UST: variants seen among roughly 807,000 people sequenced by gnomAD.
UST encodes chondroitin sulfate 2-O-sulfotransferase.
In UST, 21 loss-of-function variants were observed where a neutral mutation model predicts 45.6. That is an observed-to-expected ratio of 0.46 (90% CI 0.33 to 0.66). The LOEUF (loss-of-function observed/expected upper bound fraction) is 0.66. Ranked by LOEUF, UST falls within the 30% of genes least tolerant of loss-of-function variation. The probability of loss-of-function intolerance (pLI) is 0.02; values close to 1 mark genes in which losing one functional copy is unlikely to be tolerated. For synonymous variants in UST, 215 were observed against 200.6 expected (o/e 1.07, Z -0.61); for missense variants, 463 against 512.4 (o/e 0.90, Z 0.93).
intron 1 of UST, among the ~76,000 whole-genome samples, chr6:148,842,531 G>A (rs1284756942): frequency 1.3e-5 from 2 of 152,310 alleles, no homozygotes; most frequent in Admixed American, 1.3e-4. Flanking sequence ...ACTTTGTTGA[G>A]GAAAATGAGG....
intron 6 of UST, among the ~76,000 whole-genome samples, 166 bp from the exon 7 acceptor site, chr6:149,021,158 G>A (rs1775972198): frequency 6.6e-6 from 1 of 152,192 alleles, no homozygotes; most frequent in South Asian, 2.1e-4. Context: ...CCAGTTGGAA[G>A]GACTGGGAAG....
chr6:148,903,936 T>C (rs1779309739), intron 2 of UST, among the ~76,000 whole-genome samples: 1 of 152,242 alleles, frequency 6.6e-6, no homozygotes, highest in Admixed American at 6.5e-5. Context: ...AGAGTTTCTA[T>C]GCAGTTTTAG....
chr6:148,916,360 C>T (rs1779590954), intron 2 of UST, among the ~76,000 whole-genome samples: 1 of 152,164 alleles, frequency 6.6e-6, no homozygotes, highest in African/African-American at 2.4e-5. Flanking sequence ...TAACACATAT[C>T]CTCCCGTGAG....
intron 2 of UST, among the ~76,000 whole-genome samples, chr6:148,933,636 C>T (rs1402280964): frequency 6.6e-6 from 1 of 152,058 alleles, no homozygotes; most frequent in African/African-American, 2.4e-5. Flanking sequence ...TATTTCCTCC[C>T]CTAGAATGGA....
chr6:149,043,037 C>CTT (rs1415004254), intron 7 of UST, among the ~76,000 whole-genome samples: 6 of 130,056 alleles, frequency 4.6e-5, no homozygotes, highest in South Asian at 2.3e-4. Flanking sequence ...TTCTTTCTTT[C>CTT]TTTCTTTCCT....
intron 2 of UST, among the ~76,000 whole-genome samples, chr6:148,910,912 T>G (rs1779461667): frequency 6.6e-6 from 1 of 152,096 alleles, no homozygotes; most frequent in Admixed American, 6.5e-5. Flanking sequence ...TTTCTTCCTT[T>G]CTCCTTCCGG....
chr6:148,789,449 T>TCACACA (rs1439525516), intron 1 of UST, among the ~76,000 whole-genome samples: 1 of 129,034 alleles, frequency 7.7e-6, no homozygotes, highest in Non-Finnish European at 1.6e-5. Flanking sequence ...TCTCTCTCTC[T>TCACACA]CTCTCACACA....
intron 1 of UST, among the ~76,000 whole-genome samples, chr6:148,877,265 G>A (rs1340014539): frequency 2.0e-5 from 1 of 49,870 alleles, no homozygotes; most frequent in Non-Finnish European, 4.0e-5. Flanking sequence ...GCGGGGGGTC[G>A]TGTTTGAGTG....
chr6:148,891,049 T>C (rs1779008782), intron 2 of UST, among the ~76,000 whole-genome samples: 1 of 152,210 alleles, frequency 6.6e-6, no homozygotes, highest in Non-Finnish European at 1.5e-5. Flanking sequence ...TTTGGGAAGC[T>C]TCTACCCAGT....
chr6:148,782,609 C>A (rs1225690561), intron 1 of UST, among the ~76,000 whole-genome samples: 1 of 152,056 alleles, frequency 6.6e-6, no homozygotes, highest in African/African-American at 2.4e-5. Context: ...TGCCACCATG[C>A]CCGGCTAATT....
At chr6:148,819,967 C>T (rs1582831669) in intron 1 of UST, among the ~76,000 whole-genome samples, 2 of 152,180 alleles carry the variant, frequency 1.3e-5, no homozygotes, top group South Asian at 4.1e-4. Flanking sequence ...CTAGAATGCT[C>T]CGAAGGCCCA....
intron 2 of UST, among the ~76,000 whole-genome samples, chr6:148,918,735 G>C (rs1441234831): frequency 6.6e-6 from 1 of 152,146 alleles, no homozygotes; most frequent in Admixed American, 6.5e-5. Context: ...GTTATGGTGT[G>C]CATTTGAACT....
intron 1 of UST, among the ~76,000 whole-genome samples, chr6:148,869,283 T>C (rs1408346944): frequency 6.6e-6 from 1 of 152,238 alleles, no homozygotes; most frequent in Non-Finnish European, 1.5e-5. Flanking sequence ...TCCAAAATTA[T>C]AGTTCTGTGA....
intron 7 of UST, among the ~76,000 whole-genome samples, chr6:149,054,338 G>A (rs1776532053): frequency 6.6e-6 from 1 of 152,196 alleles, no homozygotes; most frequent in South Asian, 2.1e-4. Flanking sequence ...TTTTTTGGTA[G>A]AAATGGTGTA....
intron 7 of UST, among the ~76,000 whole-genome samples, chr6:149,066,687 G>T (rs1031926409): frequency 6.6e-6 from 1 of 152,112 alleles, no homozygotes; most frequent in Non-Finnish European, 1.5e-5. Context: ...TATTGGAGGG[G>T]TAACAGGAAA....
chr6:149,005,211 C>A, intron 5 of UST: 1 of 836,064 alleles, frequency 1.2e-6, no homozygotes, highest in Non-Finnish European at 1.4e-6. Flanking sequence ...TCTTGGAGCC[C>A]TGCCCATCCA....
At chr6:149,058,171 A>G (rs191170422) in intron 7 of UST, among the ~76,000 whole-genome samples, 2 of 152,326 alleles carry the variant, frequency 1.3e-5, no homozygotes, top group Non-Finnish European at 2.9e-5. Flanking sequence ...CAGAGAAGAA[A>G]AAGTAATAGA....
chr6:148,923,200 G>T (rs111369491), intron 2 of UST, among the ~76,000 whole-genome samples: 2 of 152,180 alleles, frequency 1.3e-5, no homozygotes, highest in African/African-American at 4.8e-5. Context: ...CATTTCATGG[G>T]CATTTCAGTC....
At chr6:148,986,548 A>G (rs7741054) in intron 5 of UST, among the ~76,000 whole-genome samples, 44,234 of 152,198 alleles carry the variant, frequency 0.29, 7,223 homozygotes, top group African/African-American at 0.46. Context: ...AAATCTGCAT[A>G]TGCTACACAT....
Sources: gnomAD v4.1 joint callset for allele counts (sites outside exome capture counted in the v4.1 genomes callset) on GRCh38, gnomAD v4.1.1 for gene constraint, MANE v1.5 for transcripts, NCBI Gene and HGNC (gene_info 2026-07-23, HGNC 2026-07-21) for gene names.